Variants in AP2A1 observed in about 807,000 individuals in gnomAD.
AP2A1 encodes the protein AP-2 complex subunit alpha-1.
In AP2A1, 21 loss-of-function variants were observed where a neutral mutation model predicts 107.3. The observed-to-expected ratio is 0.20, with a 90% CI of 0.14 to 0.28. The LOEUF is 0.28. AP2A1 is among the 10% of genes least tolerant of loss of function. AP2A1 has a pLI of 1.00. For missense variants in AP2A1, 873 were observed against 1,307.7 expected, an observed-to-expected ratio of 0.67 and a Z score of 5.13; for synonymous variants, 602 against 564.8, an observed-to-expected ratio of 1.07 and a Z score of -0.93.
chr19:49,776,518 G>A (rs1423702499), intron 1 of AP2A1, among the ~76,000 whole-genome samples: 2 of 152,194 alleles, frequency 1.3e-5, no homozygotes, highest in Non-Finnish European at 1.5e-5. Context: ...CGAGAGCAGG[G>A]TAGATGTGAC....
chr19:49,771,303 T>TAAAAAAAAAA (rs902347385), intron 1 of AP2A1, among the ~76,000 whole-genome samples: 1 of 98,036 alleles, frequency 1.0e-5, no homozygotes. Flanking sequence ...CCTCATCTCT[T>TAAAAAAAAAA]AAAAAAAAAA....
chr19:49,804,753 CTTTTT>C (rs1026237438), intron 18 of AP2A1: 1 of 152,216 alleles, frequency 6.6e-6, no homozygotes, highest in South Asian at 2.1e-4. Context: ...CTTTTCTTTT[CTTTTT>C]TTAAATAGAG....
chr19:49,782,510 C>T (rs1462603680), intron 3 of AP2A1, 21 bp from the exon 4 acceptor site: 1 of 1,608,286 alleles, frequency 6.2e-7, no homozygotes, highest in Non-Finnish European at 8.5e-7. Context: ...TCCTAGCCAT[C>T]CACGACCTCC....
chr19:49,804,600 G>T (rs2073337403), intron 18 of AP2A1: 1 of 151,976 alleles, frequency 6.6e-6, no homozygotes, highest in Non-Finnish European at 1.5e-5. Context: ...AGGCAGCTCA[G>T]TGGAGGCAGT....
Position 49,782,520 on chromosome 19 carries a change from C to A in AP2A1, c.280-11C>A, listed in dbSNP as rs756882809. ...AAGGCTCCTAGCCATCCACGACCTC[C>A]CTCCCCACAGGGTTACCTGTTCATT... On this transcript the variant is annotated splice_polypyrimidine_tract_variant and intron_variant, in intron 3 of 22. Coordinates refer to ENST00000354293, the MANE Select transcript of AP2A1 (RefSeq NM_130787.3). The A allele has an allele frequency of 6.2e-7, 1 of 1,611,770 alleles. No homozygotes were observed. The highest frequency in any genetic ancestry group is 1.3e-5 in the African/African-American group (1 of 74,880).
At chr19:49,772,795 CG>C (rs1456408019) in intron 1 of AP2A1, among the ~76,000 whole-genome samples, 2 of 151,956 alleles carry the variant, frequency 1.3e-5, no homozygotes, top group Non-Finnish European at 2.9e-5. Context: ...CCACCGCGCC[CG>C]GCCCAAGAAT....
At chr19:49,803,030 G>C (rs1218456618) in intron 16 of AP2A1, 25 bp downstream of exon 16, 1 of 1,613,646 alleles carries the variant, frequency 6.2e-7, no homozygotes, top group Non-Finnish European at 8.5e-7. Context: ...TGGTGGGGGA[G>C]GGGAACGGGA....
rs773900543 is a variant in AP2A1 at position 49,806,075 on chromosome 19, C to T, written c.2656-44C>T. The T allele has an allele frequency of 3.8e-6, 6 of 1,593,542 alleles. No individual in the cohort carries two copies. In the East Asian group the frequency reaches 1.1e-4, roughly 30 times the overall value. On this transcript the variant is annotated intron_variant, in intron 21 of 22. Coordinates refer to ENST00000354293, the MANE Select transcript of AP2A1 (RefSeq NM_130787.3). ...GATCTGGGATGCCACTGTGTGGTAA[C>T]TAACAGCTCTGGCACACTCTGACGG...
chr19:49,775,920 C>T (rs1461818930), intron 1 of AP2A1, among the ~76,000 whole-genome samples: 3 of 152,190 alleles, frequency 2.0e-5, no homozygotes. Flanking sequence ...GTAACAGACC[C>T]ACCCTGATCT....
chr19:49,776,055 C>A (rs1033595308), intron 1 of AP2A1, among the ~76,000 whole-genome samples: 3 of 152,088 alleles, frequency 2.0e-5, no homozygotes, highest in Non-Finnish European at 4.4e-5. Flanking sequence ...AGATGTTGGC[C>A]GCCTTCGCAC....
At chr19:49,797,920 T>C (rs1314965350) in intron 7 of AP2A1, among the ~76,000 whole-genome samples, 1 of 150,388 alleles carries the variant, frequency 6.6e-6, no homozygotes, top group Non-Finnish European at 1.5e-5. Flanking sequence ...TTCCAAAAAA[T>C]AGGATTTAAA....
intron 18 of AP2A1, chr19:49,803,738 C>A: frequency 2.7e-6 from 1 of 363,644 alleles, no homozygotes; most frequent in Non-Finnish European, 5.3e-6. Context: ...GCTGATCAGG[C>A]CTGATCTGGG....
At chr19:49,782,473 G>C in intron 3 of AP2A1, 58 bp from the exon 4 acceptor site, 1 of 1,546,972 alleles carries the variant, frequency 6.5e-7, no homozygotes, top group Non-Finnish European at 8.8e-7. Flanking sequence ...TCTGAGGGTT[G>C]GATCTGGGGC....
At chr19:49,787,345 T>G (rs1343618810) in intron 4 of AP2A1, among the ~76,000 whole-genome samples, 13 of 108,672 alleles carry the variant, frequency 1.2e-4, no homozygotes, top group South Asian at 3.5e-4. Context: ...TTTGTTTTTT[T>G]TGTTTTTTGT....
chr19:49,805,862 C>G lies in AP2A1; in HGVS notation c.2586-10C>G, dbSNP rs769637060. The stretch of plus-strand genomic sequence containing the variant: ...TCCAGGTCCCTGACTTGAACCTTCC[C>G]GGTCCCCAGCCCTCAACAGGAGGCG... On this transcript the variant is annotated splice_polypyrimidine_tract_variant and intron_variant, in intron 20 of 22. Transcript: ENST00000354293. 1.9e-5 allele frequency: 30 copies of G among 1,613,528 alleles called. No individual in the cohort carries two copies. The Admixed American group carries it at 4.2e-4, about 22-fold the overall frequency.
intron 1 of AP2A1, among the ~76,000 whole-genome samples, chr19:49,774,710 CA>C (rs940886620): frequency 2.6e-5 from 4 of 151,592 alleles, no homozygotes; most frequent in Non-Finnish European, 5.9e-5. Flanking sequence ...ATCACGAGGT[CA>C]GGAGTTTGAG....
Position 49,799,948 on chromosome 19 carries a change from C to T in AP2A1, c.1273-20C>T. 6.2e-7 allele frequency: 1 copy of T among 1,610,902 alleles called. No individual in the cohort carries two copies. The highest frequency in any genetic ancestry group is 8.5e-7 in the Non-Finnish European group (1 of 1,177,550). On this transcript the variant is annotated intron_variant, in intron 10 of 22. Transcript: ENST00000354293. ...CGACATGGCCTGCGGCACACTCTCT[C>T]TCACACGCCCCGGCGGCAGGTCCTG...
Position 49,782,011 on chromosome 19 carries a change from G to A in AP2A1, c.201G>A (p.Leu67=), listed in dbSNP as rs1319270579. ...TGTGTAAACTGCTTTTCATCTTCCTGCTTGGCCATGACATTGACTTTGGGC... is the reference window on the plus strand; with the variant it reads ...TGTGTAAACTGCTTTTCATCTTCCTACTTGGCCATGACATTGACTTTGGGC... The part of the protein sequence containing the change: ...KYVCKLLFIF[L]LGHDIDFGHM... Residue 67 remains leucine, a synonymous_variant, in exon 3 of 23, where the codon CTG becomes CTA. Coordinates refer to ENST00000354293, the MANE Select transcript of AP2A1 (RefSeq NM_130787.3). The A allele has an allele frequency of 3.1e-6, 5 of 1,604,328 alleles. No homozygotes were observed. In the African/African-American group the frequency reaches 5.4e-5, roughly 17 times the overall value.
rs377292720 is a variant in AP2A1, at chr19:49,794,320, A to C, written c.705+1228A>C. On this transcript the variant is annotated intron_variant, in intron 6 of 22. Transcript: ENST00000354293. ...AGCCTCTGGCTCCTAGGCTCAAGCGATCTCTCGCCTCAGCCTCCCGAGTAG... is the reference window on the plus strand; with the variant it reads ...AGCCTCTGGCTCCTAGGCTCAAGCGCTCTCTCGCCTCAGCCTCCCGAGTAG... Among the ~76,000 whole-genome samples, 3 of 142,120 alleles carry C rather than the reference A, an allele frequency of 2.1e-5. No homozygotes were observed. The East Asian group carries it at 6.4e-4, about 31-fold the overall frequency. 93.2% of individuals were successfully genotyped at this position (142,120 alleles called of 152,430 possible).
Sources: allele counts gnomAD v4.1 joint callset (sites outside exome capture counted in the v4.1 genomes callset), GRCh38; gene constraint gnomAD v4.1.1; transcripts MANE v1.5; gene names NCBI Gene and HGNC (gene_info 2026-07-23, HGNC 2026-07-21).